THADA: variants seen among roughly 807,000 people sequenced by gnomAD.
The protein encoded by THADA is THADA armadillo repeat containing.
A neutral mutation model predicts 219.8 loss-of-function variants in THADA; 213 were observed. That is an observed-to-expected ratio of 0.97 (90% CI 0.87 to 1.09). THADA has a LOEUF of 1.09. THADA is among the 50% of genes least tolerant of loss of function. THADA has a pLI of 0.00. For missense variants in THADA, 2,956 were observed against 2,311.3 expected (o/e 1.28, Z -5.72); for synonymous variants, 1,018 against 828.9 (o/e 1.23, Z -3.92).
chr2:43,280,744 C>T (rs935908957), intron 35 of THADA, among the ~76,000 whole-genome samples: 1 of 152,208 alleles, frequency 6.6e-6, no homozygotes, highest in Admixed American at 6.5e-5. Context: ...TATCTGACTG[C>T]CATTACTCCT....
chr2:43,552,007 TTG>T (rs1331170102), intron 18 of THADA, 82 bp from the exon 19 acceptor site: 1 of 1,567,708 alleles, frequency 6.4e-7, no homozygotes, highest in Non-Finnish European at 8.6e-7. Flanking sequence ...AGGATTGACT[TTG>T]TGTTTCAAAA....
chr2:43,368,161 T>G (rs1311520477), intron 29 of THADA, among the ~76,000 whole-genome samples: 3 of 152,040 alleles, frequency 2.0e-5, no homozygotes, highest in African/African-American at 7.2e-5. Context: ...AAAAACACCT[T>G]TCTCCATTGC....
chr2:43,585,736 A>G (rs1295360851), intron 7 of THADA, among the ~76,000 whole-genome samples: 3 of 152,162 alleles, frequency 2.0e-5, no homozygotes, highest in Non-Finnish European at 2.9e-5. Context: ...TATCATGAAT[A>G]TATCCTCAGA....
At chr2:43,539,554 T>C (rs1040236039) in intron 21 of THADA, among the ~76,000 whole-genome samples, 2 of 152,182 alleles carry the variant, frequency 1.3e-5, no homozygotes, top group African/African-American at 2.4e-5. Flanking sequence ...AAGTTTTTCA[T>C]AGGGGACGGG....
intron 34 of THADA, among the ~76,000 whole-genome samples, chr2:43,288,777 T>C (rs1036334714): frequency 1.3e-5 from 2 of 152,258 alleles, no homozygotes; most frequent in Non-Finnish European, 2.9e-5. Flanking sequence ...TTGTTTTTAA[T>C]AGTAACAGTT....
At chr2:43,479,921 T>G (rs1369922308) in intron 26 of THADA, among the ~76,000 whole-genome samples, 1 of 152,250 alleles carries the variant, frequency 6.6e-6, no homozygotes, top group Non-Finnish European at 1.5e-5. Context: ...TCTGGTTTAC[T>G]CCTACCTTTC....
At chr2:43,489,798 C>A (rs982697401) in intron 25 of THADA, among the ~76,000 whole-genome samples, 2 of 148,626 alleles carry the variant, frequency 1.3e-5, no homozygotes, top group Non-Finnish European at 3.0e-5. Context: ...CCTGTGGGGC[C>A]TCCAACTTTG....
intron 26 of THADA, among the ~76,000 whole-genome samples, chr2:43,475,676 G>A (rs1273005499): frequency 1.3e-5 from 2 of 152,056 alleles, no homozygotes; most frequent in African/African-American, 4.8e-5. Flanking sequence ...CTATTTTAAC[G>A]TTCTACAAAA....
At chr2:43,519,512 A>G (rs1052266562) in intron 22 of THADA, among the ~76,000 whole-genome samples, 10 of 152,150 alleles carry the variant, frequency 6.6e-5, no homozygotes, top group African/African-American at 2.4e-4. Context: ...ATGTCCCCAA[A>G]ACTCCTCATC....
At chr2:43,407,043 C>T (rs1351740710) in intron 28 of THADA, among the ~76,000 whole-genome samples, 3 of 152,214 alleles carry the variant, frequency 2.0e-5, no homozygotes, top group African/African-American at 7.2e-5. Flanking sequence ...CACTTGGCCC[C>T]TCAGCATGTC....
intron 28 of THADA, among the ~76,000 whole-genome samples, chr2:43,399,182 C>T (rs764552995): frequency 3.9e-5 from 6 of 152,208 alleles, no homozygotes; most frequent in Non-Finnish European, 8.8e-5. Flanking sequence ...CTCAAGACTT[C>T]ATGATTTTTC....
chr2:43,474,543 C>T (rs1431288668), intron 26 of THADA, among the ~76,000 whole-genome samples: 2 of 152,154 alleles, frequency 1.3e-5, no homozygotes, highest in African/African-American at 4.8e-5. Context: ...TTGAACCTTG[C>T]AAACGTCTGT....
intron 23 of THADA, among the ~76,000 whole-genome samples, chr2:43,506,604 T>C (rs967563829): frequency 6.6e-6 from 1 of 152,192 alleles, no homozygotes. Context: ...AAGTGACTGC[T>C]AATGAGTATG....
At chr2:43,431,529 G>C (rs1490016925) in intron 26 of THADA, among the ~76,000 whole-genome samples, 2 of 151,964 alleles carry the variant, frequency 1.3e-5, no homozygotes, top group African/African-American at 4.8e-5. Context: ...GCAGTGGTGC[G>C]ATCTCGGCTC....
intron 25 of THADA, among the ~76,000 whole-genome samples, chr2:43,494,246 C>T (rs1687993946): frequency 6.6e-6 from 1 of 152,218 alleles, no homozygotes; most frequent in African/African-American, 2.4e-5. Context: ...CTAGAAGATG[C>T]ACCATGTACA....
chr2:43,276,431 T>C (rs757080092), intron 36 of THADA, among the ~76,000 whole-genome samples: 2 of 152,226 alleles, frequency 1.3e-5, no homozygotes, highest in East Asian at 1.9e-4. Flanking sequence ...CGGCTAACCA[T>C]GGCATTATTT....
chr2:43,543,007 T>C (rs925621262), intron 20 of THADA, among the ~76,000 whole-genome samples: 4 of 133,962 alleles, frequency 3.0e-5, no homozygotes, highest in African/African-American at 1.1e-4. Context: ...CCTAAAGCTA[T>C]CCCTCCCTCC....
At chr2:43,425,227 C>A (rs531265519) in intron 28 of THADA, among the ~76,000 whole-genome samples, 5 of 152,162 alleles carry the variant, frequency 3.3e-5, no homozygotes, top group Non-Finnish European at 7.3e-5. Flanking sequence ...AGGGTGATAA[C>A]ACCTCTTCTC....
At chr2:43,331,880 T>C (rs1665812379) in intron 30 of THADA, among the ~76,000 whole-genome samples, 1 of 148,664 alleles carries the variant, frequency 6.7e-6, no homozygotes, top group South Asian at 2.1e-4. Context: ...CAACCATAAC[T>C]GAACTCTGAC....
Sources: allele counts gnomAD v4.1 joint callset (sites outside exome capture counted in the v4.1 genomes callset), GRCh38; gene constraint gnomAD v4.1.1; transcripts MANE v1.5; gene names NCBI Gene and HGNC (gene_info 2026-07-23, HGNC 2026-07-21).